CD6: variants seen among roughly 807,000 people sequenced by gnomAD.
CD6 encodes CD6 molecule, also known as T-cell differentiation antigen CD6.
A neutral mutation model predicts 75.3 loss-of-function variants in CD6; 53 were observed. That is an observed-to-expected ratio of 0.70 (90% CI 0.56 to 0.88). CD6 has a LOEUF of 0.88. Ranked by LOEUF, CD6 falls within the 40% of genes least tolerant of loss-of-function variation. CD6 has a pLI of 0.00. For missense variants in CD6, 770 were observed against 897.1 expected (o/e 0.86, Z 1.81); for synonymous variants, 359 against 381.5 (o/e 0.94, Z 0.69).
chr11:61,004,776 C>G (rs1458575138), intron 1 of CD6, among the ~76,000 whole-genome samples: 1 of 152,218 alleles, frequency 6.6e-6, no homozygotes, highest in Non-Finnish European at 1.5e-5. Context: ...CTTACTCACA[C>G]AAAATCCAAG....
At chr11:61,009,481 G>GCATTGGTGCCTGCAC (rs1245048398) in intron 4 of CD6, 91 bp from the exon 5 acceptor site, 13 of 1,158,318 alleles carry the variant, frequency 1.1e-5, no homozygotes, top group Non-Finnish European at 1.5e-5. Flanking sequence ...CCAAATGGCT[G>GCATTGGTGCCTGCAC]CATTGGTGCC....
intron 1 of CD6, among the ~76,000 whole-genome samples, chr11:60,993,932 G>A (rs1858167126): frequency 6.6e-6 from 1 of 152,222 alleles, no homozygotes; most frequent in Non-Finnish European, 1.5e-5. Flanking sequence ...GAGAGGAGGG[G>A]GAGTCCCAGC....
chr11:61,001,804 C>T (rs916540433), intron 1 of CD6, among the ~76,000 whole-genome samples: 16 of 152,238 alleles, frequency 1.1e-4, no homozygotes, highest in African/African-American at 3.9e-4. Context: ...GATGCAGGGC[C>T]TTTGGTTCAA....
chr11:61,008,560 G>A lies in CD6; in HGVS notation c.496G>A (p.Gly166Ser), dbSNP rs762653723. The change falls in exon 4 of 13, where the codon GGT (glycine) becomes AGT (serine). Residue 166 changes from glycine to serine, a missense_variant. Gly to Ser is a moderately conservative substitution (Grantham distance 56). Coordinates refer to ENST00000313421, the MANE Select transcript of CD6 (RefSeq NM_006725.5). ...AENRALRLVDGGGACAGRVEM... is the reference protein window; with the variant it reads ...AENRALRLVDSGGACAGRVEM... The stretch of plus-strand genomic sequence containing the variant: ...GAACCGCGCGCTGCGCCTGGTGGAC[G>A]GTGGCGGCGCCTGCGCCGGCCGCGT... 3.7e-6 allele frequency: 6 copies of A among 1,605,558 alleles called. No individual in the cohort carries two copies. Among genetic ancestry groups the A allele is most frequent in the Non-Finnish European group, 5.1e-6 (6 of 1,176,474 alleles).
intron 1 of CD6, among the ~76,000 whole-genome samples, chr11:61,000,537 G>A (rs1340571290): frequency 6.6e-6 from 1 of 152,174 alleles, no homozygotes; most frequent in Non-Finnish European, 1.5e-5. Flanking sequence ...GGTGTAGCTG[G>A]TGTTGACCTG....
intron 1 of CD6, among the ~76,000 whole-genome samples, chr11:60,999,578 G>A (rs2135117684): frequency 6.6e-6 from 1 of 152,000 alleles, no homozygotes; most frequent in Non-Finnish European, 1.5e-5. Flanking sequence ...TAACATTGTG[G>A]CATAAACTTA....
intron 1 of CD6, among the ~76,000 whole-genome samples, chr11:60,972,371 G>C (rs993891997): frequency 4.6e-5 from 7 of 152,228 alleles, no homozygotes; most frequent in Admixed American, 6.5e-5. Flanking sequence ...CCCGAAACAG[G>C]ACTCAGGGAA....
In CD6 at chr11:61,007,438, A is replaced by G; in HGVS notation, c.119-122A>G. 1.3e-6 allele frequency: 1 copy of G among 759,154 alleles called. No homozygotes were observed. The highest frequency in any genetic ancestry group is 3.4e-5 in the East Asian group (1 of 29,280). 47.0% of individuals were successfully genotyped at this position (759,154 alleles called of 1,614,324 possible). The stretch of plus-strand genomic sequence containing the variant: ...AGCCCGGCTCCATTTTGCAGACTGG[A>G]AAGCTGAGACCCCTAGCCAGGCAGG... On this transcript the variant is annotated intron_variant, in intron 2 of 12. Coordinates refer to ENST00000313421, the MANE Select transcript of CD6 (RefSeq NM_006725.5). This position sits in a 1 kb window ranked among gnomAD's most constrained non-coding sequence, Gnocchi z 4.2.
intron 5 of CD6, 48 bp downstream of exon 5, chr11:61,009,922 T>C: frequency 6.6e-7 from 1 of 1,504,090 alleles, no homozygotes. Flanking sequence ...GAATTCTACC[T>C]GAATCCATGT....
intron 1 of CD6, among the ~76,000 whole-genome samples, chr11:61,003,688 T>C (rs1278932367): frequency 6.6e-6 from 1 of 152,176 alleles, no homozygotes; most frequent in Non-Finnish European, 1.5e-5. Flanking sequence ...GAGCCGAGAT[T>C]GTGCCACTGC....
chr11:61,008,306 A>C (rs1008004918), intron 3 of CD6: 6 of 542,004 alleles, frequency 1.1e-5, no homozygotes, highest in Middle Eastern at 4.7e-4. Flanking sequence ...CAGGCTCCCA[A>C]ACCTGCCCTC....
intron 1 of CD6, among the ~76,000 whole-genome samples, chr11:60,979,247 C>T (rs1054936719): frequency 6.6e-6 from 1 of 152,194 alleles, no homozygotes; most frequent in African/African-American, 2.4e-5. Flanking sequence ...AATCTAGGAA[C>T]AGCCCTGAGG....
At position 61,007,421 on chromosome 11, in the gene CD6, T is replaced by A; in HGVS notation, c.119-139T>A. The A allele has an allele frequency of 1.6e-6, 1 of 619,652 alleles. No homozygotes were observed. The allele number at this position is 619,652 out of a possible 1,614,324, so 38.4% of individuals were successfully genotyped here. A position where few individuals can be genotyped will look rare whatever the true frequency, so the allele number is the denominator to read the frequency against. On this transcript the variant is annotated intron_variant, in intron 2 of 12. Coordinates refer to ENST00000313421, the MANE Select transcript of CD6 (RefSeq NM_006725.5). This position sits in a 1 kb window ranked among gnomAD's most constrained non-coding sequence, Gnocchi z 4.2. ...GGGCTCAGGGATGAGCCAGCCCGGCTCCATTTTGCAGACTGGAAAGCTGAG... is the reference window on the plus strand; with the variant it reads ...GGGCTCAGGGATGAGCCAGCCCGGCACCATTTTGCAGACTGGAAAGCTGAG...
chr11:60,980,132 TG>T (rs1565141378), intron 1 of CD6, among the ~76,000 whole-genome samples: 1 of 152,158 alleles, frequency 6.6e-6, no homozygotes, highest in Non-Finnish European at 1.5e-5. Flanking sequence ...ATGTCACCAC[TG>T]GGGGAAGCTG....
At chr11:61,011,629 C>T (rs1284785262) in intron 6 of CD6, among the ~76,000 whole-genome samples, 5 of 152,190 alleles carry the variant, frequency 3.3e-5, no homozygotes, top group Admixed American at 3.3e-4. Flanking sequence ...TATTATAACC[C>T]TTACATCAAG....
At chr11:60,979,379 G>A (rs1327941704) in intron 1 of CD6, among the ~76,000 whole-genome samples, 1 of 152,110 alleles carries the variant, frequency 6.6e-6, no homozygotes, top group Non-Finnish European at 1.5e-5. Context: ...TGCACCTTGG[G>A]GCCAGCAGGA....
intron 1 of CD6, among the ~76,000 whole-genome samples, chr11:60,976,996 T>C (rs1259915689): frequency 1.3e-5 from 2 of 152,202 alleles, no homozygotes; most frequent in African/African-American, 2.4e-5. Context: ...CTTGGCTCTC[T>C]GGCCACAGGT....
At chr11:60,972,085 G>T (rs1027526480) in intron 1 of CD6, among the ~76,000 whole-genome samples, 171 bp downstream of exon 1, 2 of 152,196 alleles carry the variant, frequency 1.3e-5, no homozygotes, top group African/African-American at 4.8e-5. Context: ...GGACACAGGA[G>T]CCCCTCGAGG....
At position 61,019,936 on chromosome 11, in the gene CD6, G is replaced by C. The variant is rs114157136; in HGVS notation, c.*618G>C. The C allele has an allele frequency of 6.2e-4, 245 of 392,462 alleles. No individual in the cohort carries two copies. The highest frequency in any genetic ancestry group is 4.9e-3 in the African/African-American group (236 of 48,630). 24.3% of individuals were successfully genotyped at this position (392,462 alleles called of 1,614,324 possible). ...CACAACTAGCTGACAATGACAGGTT[G>C]ACTGTGTACCCCCAACCAAGGAGCT... On this transcript the variant is annotated 3_prime_UTR_variant, in exon 13 of 13. Coordinates refer to ENST00000313421, the MANE Select transcript of CD6 (RefSeq NM_006725.5).
Sources: gnomAD v4.1 joint callset for allele counts (sites outside exome capture counted in the v4.1 genomes callset) on GRCh38, gnomAD v4.1.1 for gene constraint, Gnocchi (gnomAD v3.1) non-coding constraint, MANE v1.5 for transcripts, NCBI Gene and HGNC (gene_info 2026-07-23, HGNC 2026-07-21) for gene names.